The following PLCE1 variants were observed in gnomAD, a reference collection of about 807,000 sequenced individuals.
PLCE1 encodes the protein 1-phosphatidylinositol 4,5-bisphosphate phosphodiesterase epsilon-1.
Under a neutral mutation model 242.8 loss-of-function variants are expected in PLCE1, and 119 were observed. The observed-to-expected ratio is 0.49, with a 90% CI of 0.42 to 0.57. PLCE1 has a LOEUF of 0.57. Ranked by LOEUF, PLCE1 falls within the 20% of genes least tolerant of loss-of-function variation. The probability of loss-of-function intolerance (pLI) is 0.00; values close to 1 mark genes in which losing one functional copy is unlikely to be tolerated. For missense variants in PLCE1, 2,441 were observed against 2,788.8 expected (o/e 0.88, Z 2.81); for synonymous variants, 945 against 1,017.4 (o/e 0.93, Z 1.35).
chr10:94,082,583 T>C (rs1210184663), intron 2 of PLCE1, among the ~76,000 whole-genome samples: 1 of 152,200 alleles, frequency 6.6e-6, no homozygotes, highest in East Asian at 1.9e-4. Context: ...TTGAGGGGTG[T>C]GTTCTTCATC....
intron 2 of PLCE1, among the ~76,000 whole-genome samples, chr10:94,128,698 C>T (rs1485714579): frequency 6.6e-6 from 1 of 152,166 alleles, no homozygotes; most frequent in Non-Finnish European, 1.5e-5. Flanking sequence ...CTAGCACAGG[C>T]AAGAGCACAC....
chr10:94,327,628 TC>T (rs1254457031), intron 32 of PLCE1, among the ~76,000 whole-genome samples: 2 of 152,222 alleles, frequency 1.3e-5, no homozygotes, highest in Admixed American at 6.5e-5. Context: ...GTTTCAATAA[TC>T]TACAGATTTT....
chr10:94,132,549 A>G (rs1010378584), intron 3 of PLCE1, 90 bp downstream of exon 3: 1 of 1,309,150 alleles, frequency 7.6e-7, no homozygotes, highest in Non-Finnish European at 1.1e-6. Context: ...ATGGAAAATT[A>G]AGTTCACTTT....
intron 3 of PLCE1, among the ~76,000 whole-genome samples, chr10:94,169,346 AAAAGGAAACTGAACATTTGGGTATGC>A (rs1335675156): frequency 6.6e-6 from 1 of 152,196 alleles, no homozygotes; most frequent in East Asian, 1.9e-4. Context: ...TTTTTAAGGA[AAAAGGAAACTGAACATTTGGGTATGC>A]AAAGAAGTCA....
In PLCE1 at chr10:94,191,210, T is replaced by C. The variant is rs542763566; in HGVS notation, c.1809+19714T>C. On this transcript the variant is annotated intron_variant, in intron 4 of 32. Transcript: ENST00000371380. ...ATTCAGAATGGCACAATGGCAAACATTGTGGAATGGCATAACATTACTCTC... is the reference window on the plus strand; with the variant it reads ...ATTCAGAATGGCACAATGGCAAACACTGTGGAATGGCATAACATTACTCTC... Among the ~76,000 whole-genome samples, 19 of 152,206 alleles carry C rather than the reference T, an allele frequency of 1.2e-4. No individual in the cohort carries two copies. The South Asian group carries it at 3.5e-3, about 28-fold the overall frequency.
chr10:94,145,688 T>C (rs951325794), intron 3 of PLCE1, among the ~76,000 whole-genome samples: 1 of 152,002 alleles, frequency 6.6e-6, no homozygotes, highest in Non-Finnish European at 1.5e-5. Context: ...CTCCAGGTGG[T>C]GTCCTGTTCA....
Position 94,262,499 on chromosome 10 carries a change from T to A in PLCE1, c.3820T>A (p.Leu1274Met). 1.2e-6 allele frequency: 2 copies of A among 1,605,294 alleles called. No homozygotes were observed. Among genetic ancestry groups the A allele is most frequent in the Non-Finnish European group, 1.7e-6 (2 of 1,172,076 alleles). Reference protein sequence around the residue: ...TSDLQPDLDLLTRNVSDLGLF... With the variant: ...TSDLQPDLDLMTRNVSDLGLF... The stretch of plus-strand genomic sequence containing the variant: ...CTGTGGTGATTCTGTTTCAGATCTG[T>A]TGACCAGAAATGTCTCGGATTTGGG... The change falls in exon 14 of 33, where the codon TTG becomes ATG. Residue 1274 changes from leucine to methionine, a missense_variant. By Grantham distance (15) the Leu-to-Met change is conservative. Transcript: ENST00000371380.
intron 4 of PLCE1, among the ~76,000 whole-genome samples, chr10:94,187,917 G>T (rs1012709188): frequency 5.9e-5 from 9 of 152,074 alleles, no homozygotes; most frequent in Admixed American, 1.3e-4. Context: ...CAAGAAGTTT[G>T]TTGACATTTC....
In PLCE1 at chr10:94,283,856, A is replaced by T; in HGVS notation, c.4862A>T (p.Glu1621Val). The stretch of plus-strand genomic sequence containing the variant: ...GACAAGCTTCAGTTTGAATATAATG[A>T]AGAAATCCCAAAGAGGATAAAGAAA... ...CNDKLQFEYN[E>V]EIPKRIKKAD... is the part of the protein sequence containing the mutation. The change falls in exon 21 of 33, where the codon GAA becomes GTA. Residue 1621 changes from glutamate to valine, a missense_variant. Transcript: ENST00000371380. 1.9e-6 allele frequency: 3 copies of T among 1,612,408 alleles called. No homozygotes were observed. Among genetic ancestry groups the T allele is most frequent in the Non-Finnish European group, 2.5e-6 (3 of 1,178,774 alleles).
At position 94,223,233 on chromosome 10, in the gene PLCE1, C is replaced by CAAAAAAAAAAAAAA. The variant is rs60764243; in HGVS notation, c.1810-4067_1810-4054dup. On this transcript the variant is annotated intron_variant, in intron 4 of 32. Coordinates refer to ENST00000371380, the MANE Select transcript of PLCE1 (RefSeq NM_016341.4). The stretch of plus-strand genomic sequence containing the variant: ...GCAACATAGTGATACTCCATCTCTA[C>CAAAAAAAAAAAAAA]AAAAAAAAAAAAAAAAAAATTGAAT... Among the ~76,000 whole-genome samples, 519 of 90,838 alleles carry CAAAAAAAAAAAAAA rather than the reference C, an allele frequency of 5.7e-3. 29 individuals carry two copies. Among genetic ancestry groups the CAAAAAAAAAAAAAA allele is most frequent in the African/African-American group, 0.024 (501 of 20,960 alleles). The allele number at this position is 90,838 out of a possible 152,430, so 59.6% of individuals were successfully genotyped here.
At chr10:94,177,315 C>G (rs1055339640) in intron 4 of PLCE1, among the ~76,000 whole-genome samples, 1 of 152,190 alleles carries the variant, frequency 6.6e-6, no homozygotes, top group Non-Finnish European at 1.5e-5. Context: ...GTTTCCTCCC[C>G]ATTCCCCCTT....
chr10:94,213,991 G>A (rs1436282916), intron 4 of PLCE1, among the ~76,000 whole-genome samples: 3 of 152,132 alleles, frequency 2.0e-5, no homozygotes, highest in African/African-American at 4.8e-5. Flanking sequence ...TCTTATGAGC[G>A]AGGAAATAAG....
rs144641992 is a variant in PLCE1, at chr10:94,034,938, C to T, written c.1206+2686C>T. Among the ~76,000 whole-genome samples, 95 of 152,298 alleles carry T rather than the reference C, an allele frequency of 6.2e-4. 1 individual carries two copies. The highest frequency in any genetic ancestry group is 1.4e-3 in the Admixed American group (21 of 15,296). On this transcript the variant is annotated intron_variant, in intron 2 of 32. Transcript: ENST00000371380. ...CATTTGGGCTGACCTGGGAACCTGC[C>T]TGAAAAGTGAAAGCCTGCAGGTCCT... is the stretch of plus-strand genomic sequence containing the variant.
chr10:94,233,377 A>G (rs2050206773), intron 5 of PLCE1, among the ~76,000 whole-genome samples: 1 of 152,226 alleles, frequency 6.6e-6, no homozygotes. Context: ...AATATTTAAA[A>G]GATCAAGAGG....
chr10:94,159,092 T>G (rs1393094537), intron 3 of PLCE1, among the ~76,000 whole-genome samples: 1 of 152,140 alleles, frequency 6.6e-6, no homozygotes, highest in African/African-American at 2.4e-5. Flanking sequence ...TTCTGTCAAC[T>G]TTTTTCTTTT....
At chr10:94,154,361 A>T (rs1176534815) in intron 3 of PLCE1, among the ~76,000 whole-genome samples, 1 of 152,220 alleles carries the variant, frequency 6.6e-6, no homozygotes, top group Non-Finnish European at 1.5e-5. Context: ...CTAGAACTAT[A>T]AAACTCATAG....
intron 2 of PLCE1, among the ~76,000 whole-genome samples, chr10:94,123,831 T>G (rs769482265): frequency 7.2e-5 from 11 of 152,196 alleles, no homozygotes; most frequent in Non-Finnish European, 1.2e-4. Context: ...GCCCCTGCGT[T>G]GTTACCACCT....
At chr10:94,137,172 G>C (rs182718621) in intron 3 of PLCE1, among the ~76,000 whole-genome samples, 3 of 152,000 alleles carry the variant, frequency 2.0e-5, no homozygotes, top group Non-Finnish European at 4.4e-5. Context: ...CAGCCTGGGC[G>C]ACAGAGCAAG....
intron 4 of PLCE1, among the ~76,000 whole-genome samples, chr10:94,218,264 T>G (rs1005418976): frequency 6.6e-6 from 1 of 152,174 alleles, no homozygotes; most frequent in African/African-American, 2.4e-5. Context: ...TTATAGTATG[T>G]ATATTACATT....
Sources: gnomAD v4.1 joint callset for allele counts (sites outside exome capture counted in the v4.1 genomes callset) on GRCh38, gnomAD v4.1.1 for gene constraint, MANE v1.5 for transcripts, NCBI Gene and HGNC (gene_info 2026-07-23, HGNC 2026-07-21) for gene names.